BRDT: variants seen among roughly 807,000 people sequenced by gnomAD.
BRDT encodes the protein bromodomain testis-specific protein.
Under a neutral mutation model 113.9 loss-of-function variants are expected in BRDT, and 77 were observed. That is an observed-to-expected ratio of 0.68 (90% CI 0.56 to 0.82). The LOEUF is 0.82. BRDT is among the 40% of genes least tolerant of loss of function. The probability of loss-of-function intolerance (pLI) is 0.00; values close to 1 mark genes in which losing one functional copy is unlikely to be tolerated. For missense variants in BRDT, 1,027 were observed against 1,105.4 expected, an observed-to-expected ratio of 0.93 and a Z score of 1.01; for synonymous variants, 358 against 366.5, an observed-to-expected ratio of 0.98 and a Z score of 0.26.
chr1:91,983,786 A>G lies in BRDT; in HGVS notation c.2002+2031A>G, dbSNP rs536835922. On this transcript the variant is annotated intron_variant, in intron 12 of 18. Transcript: ENST00000399546. ...CTCCTCCGCCTCCTGGGTTCAAGTG[A>G]TCCTCCTACCGCAGTCTCCCAAGTA... 6.6e-5 allele frequency among the ~76,000 whole-genome samples: 10 copies of G among 151,292 alleles called. No individual in the cohort carries two copies. In the South Asian group the frequency reaches 1.9e-3, roughly 28 times the overall value.
intron 12 of BRDT, among the ~76,000 whole-genome samples, chr1:91,987,206 C>T (rs1246602846): frequency 6.6e-6 from 1 of 152,126 alleles, no homozygotes; most frequent in East Asian, 1.9e-4. Context: ...AGGCATGAGG[C>T]ACCACGCCTG....
At chr1:91,969,710 T>C (rs1194645032) in intron 4 of BRDT, among the ~76,000 whole-genome samples, 4 of 152,154 alleles carry the variant, frequency 2.6e-5, no homozygotes, top group Non-Finnish European at 5.9e-5. Flanking sequence ...GATCTTTTTA[T>C]TGATCTTTTA....
intron 18 of BRDT, among the ~76,000 whole-genome samples, chr1:92,008,806 G>A (rs1045430566): frequency 2.6e-5 from 4 of 151,968 alleles, no homozygotes; most frequent in Admixed American, 1.3e-4. Context: ...GTGCGTTTAA[G>A]GTTCCTCTCT....
intron 2 of BRDT, among the ~76,000 whole-genome samples, chr1:91,963,178 C>T (rs535265161): frequency 1.3e-5 from 2 of 152,260 alleles, no homozygotes; most frequent in Non-Finnish European, 2.9e-5. Flanking sequence ...ACAAAATTAG[C>T]CGGGCGTGGT....
In BRDT at chr1:91,989,723, CCTT is replaced by C. The variant is rs372048592; in HGVS notation, c.2003-1458_2003-1456del. 4.1e-3 allele frequency among the ~76,000 whole-genome samples: 623 copies of C among 152,278 alleles called. 8 individuals carry two copies. Among genetic ancestry groups the C allele is most frequent in the African/African-American group, 0.014 (586 of 41,554 alleles). ...TATTCTCAATCTTCTCAGTCTGTCT[CCTT>C]CTCTTCCTCCTATGCCTAGCCCACA... On this transcript the variant is annotated intron_variant, in intron 12 of 18. Coordinates refer to ENST00000399546, the MANE Select transcript of BRDT (RefSeq NM_207189.4).
chr1:91,964,351 A>G (rs1682830381), intron 2 of BRDT, among the ~76,000 whole-genome samples: 2 of 151,994 alleles, frequency 1.3e-5, no homozygotes, highest in Admixed American at 6.6e-5. Context: ...GTGAGCCACC[A>G]TGCCCGGCCA....
At chr1:91,981,944 C>T (rs1316260877) in intron 12 of BRDT, among the ~76,000 whole-genome samples, 189 bp downstream of exon 12, 1 of 151,814 alleles carries the variant, frequency 6.6e-6, no homozygotes, top group Non-Finnish European at 1.5e-5. Flanking sequence ...GATGAAACTT[C>T]GTATTATATG....
At chr1:91,976,137 C>CGGTGGTCGACGT in intron 4 of BRDT, 129 bp from the exon 5 acceptor site, 1 of 931,948 alleles carries the variant, frequency 1.1e-6, no homozygotes, top group Non-Finnish European at 1.5e-6. Context: ...GTGTAGATTT[C>CGGTGGTCGACGT]AAAATGAAAT....
chr1:92,005,959 T>C (rs1373925469), intron 18 of BRDT, among the ~76,000 whole-genome samples: 1 of 152,214 alleles, frequency 6.6e-6, no homozygotes, highest in East Asian at 1.9e-4. Context: ...GAAAATAATA[T>C]TTTAAAAGCT....
At chr1:91,983,882 A>G (rs1684954037) in intron 12 of BRDT, among the ~76,000 whole-genome samples, 1 of 151,970 alleles carries the variant, frequency 6.6e-6, no homozygotes, top group Non-Finnish European at 1.5e-5. Context: ...GGGTTTCACC[A>G]TGTTGTCCAG....
chr1:92,009,384 C>G (rs1687601453), intron 18 of BRDT, among the ~76,000 whole-genome samples: 1 of 152,008 alleles, frequency 6.6e-6, no homozygotes, highest in East Asian at 1.9e-4. Context: ...GATTTCATGT[C>G]TTGGCTATCA....
chr1:91,975,292 T>TA (rs1251133884), intron 4 of BRDT, among the ~76,000 whole-genome samples: 4 of 151,164 alleles, frequency 2.6e-5, no homozygotes, highest in East Asian at 1.9e-4. Context: ...AAAAAAAATT[T>TA]TAAAAAAAAA....
Position 92,002,245 on chromosome 1 carries a change from A to C in BRDT, c.2388+96A>C. ...GTATTTAAAAGCCCTGACTTAAATG[A>C]AATGTTGGATCTCTAAGCCTAATTT... On this transcript the variant is annotated intron_variant, in intron 16 of 18. Transcript: ENST00000399546. 3 of 831,490 alleles carry C rather than the reference A, an allele frequency of 3.6e-6. No individual in the cohort carries two copies. The South Asian group carries it at 6.1e-5, about 17-fold the overall frequency. The allele number at this position is 831,490 out of a possible 1,614,324, so 51.5% of individuals were successfully genotyped here.
Position 91,949,584 on chromosome 1 carries a change from C to G in BRDT, c.-136C>G, listed in dbSNP as rs942483590. 2.6e-5 allele frequency: 4 copies of G among 152,292 alleles called. No individual in the cohort carries two copies. The highest frequency in any genetic ancestry group is 5.9e-5 in the Non-Finnish European group (4 of 68,138). 9.4% of individuals were successfully genotyped at this position (152,292 alleles called of 1,614,324 possible). A position where few individuals can be genotyped will look rare whatever the true frequency, so the allele number is the denominator to read the frequency against. The stretch of plus-strand genomic sequence containing the variant: ...CCCGAGGTGCGGCCTTGGGTGGGAA[C>G]AACCGTTTTTTCCCCCCTCTCCCCT... On this transcript the variant is annotated 5_prime_UTR_variant, in exon 1 of 19. Coordinates refer to ENST00000399546, the MANE Select transcript of BRDT (RefSeq NM_207189.4).
At chr1:91,981,590 C>A in intron 11 of BRDT, 28 bp from the exon 12 acceptor site, 1 of 1,606,288 alleles carries the variant, frequency 6.2e-7, no homozygotes. Flanking sequence ...ATTCTTCTGG[C>A]ATTTTAATAT....
chr1:91,953,273 C>T (rs932897185), intron 1 of BRDT, among the ~76,000 whole-genome samples: 2 of 152,170 alleles, frequency 1.3e-5, no homozygotes, highest in African/African-American at 4.8e-5. Flanking sequence ...TACTTTTGAC[C>T]TCCAGAATCC....
chr1:91,951,843 C>G (rs372936237), intron 1 of BRDT, among the ~76,000 whole-genome samples: 2 of 150,892 alleles, frequency 1.3e-5, no homozygotes, highest in South Asian at 4.2e-4. Context: ...GCCAGGAGTT[C>G]AAGACAAGCC....
chr1:91,984,534 T>C (rs12118474), intron 12 of BRDT, among the ~76,000 whole-genome samples: 4,353 of 152,262 alleles, frequency 0.029, 81 homozygotes, highest in Non-Finnish European at 0.043. Flanking sequence ...AAAATTTAAT[T>C]TATGAAAATT....
Position 91,979,545 on chromosome 1 carries a change from TAACA to T in BRDT, c.1099-20_1099-17del. ...ATTAAATAAAAAATACAGAAAACCA[TAACA>T]AACTAATTTTTCATTACAGGATGTT... On this transcript the variant is annotated intron_variant, in intron 7 of 18. Transcript: ENST00000399546. 1 of 1,595,324 alleles carries T rather than the reference TAACA, an allele frequency of 6.3e-7. No homozygotes were observed. Among genetic ancestry groups the T allele is most frequent in the Non-Finnish European group, 8.5e-7 (1 of 1,173,740 alleles).
Sources: gnomAD v4.1 joint callset for allele counts (sites outside exome capture counted in the v4.1 genomes callset) on GRCh38, gnomAD v4.1.1 for gene constraint, MANE v1.5 for transcripts, NCBI Gene and HGNC (gene_info 2026-07-23, HGNC 2026-07-21) for gene names.